The following PCBP4 variants were observed in gnomAD, a reference collection of about 807,000 sequenced individuals.
PCBP4 encodes the protein poly(rC)-binding protein 4.
A neutral mutation model predicts 46.2 loss-of-function variants in PCBP4; 24 were observed. The observed-to-expected ratio is 0.52, with a 90% confidence interval of 0.38 to 0.73. PCBP4 has a LOEUF of 0.73. PCBP4 is among the 30% of genes least tolerant of loss of function. The pLI is 0.00. For synonymous variants in PCBP4, 203 were observed against 224.4 expected (o/e 0.90, Z 0.85); for missense variants, 407 against 537.0 (o/e 0.76, Z 2.39).
chr3:51,965,549 CCA>C (rs1461528480), intron 1 of PCBP4, among the ~76,000 whole-genome samples: 1 of 152,202 alleles, frequency 6.6e-6, no homozygotes, highest in Non-Finnish European at 1.5e-5. Flanking sequence ...GCCTGTCTTT[CCA>C]CTATACACAG....
Position 51,960,122 on chromosome 3 carries a change from C to G in PCBP4, c.387+67G>C. On this transcript the variant is annotated intron_variant, in intron 7 of 13. Coordinates refer to ENST00000461554, the MANE Select transcript of PCBP4 (RefSeq NM_001174100.2). The surrounding 1 kb of genome is among the most constrained non-coding windows in gnomAD (Gnocchi z 5.0). The stretch of plus-strand genomic sequence containing the variant: ...TCTAGGTGGGGAGGACGCCATAAGC[C>G]CAACACCCCTCTTACAACTGCTCCC... The G allele has an allele frequency of 6.2e-7, 1 of 1,614,110 alleles. No individual in the cohort carries two copies. The highest frequency in any genetic ancestry group is 8.5e-7 in the Non-Finnish European group (1 of 1,179,958).
At chr3:51,964,123 G>A (rs1700304384) in intron 1 of PCBP4, among the ~76,000 whole-genome samples, 1 of 152,190 alleles carries the variant, frequency 6.6e-6, no homozygotes, top group South Asian at 2.1e-4. Context: ...ATTCCCTCCT[G>A]ACTCCCAGGC....
rs1303834478 is a variant in PCBP4, at chr3:51,965,301, T to C, written c.-213+2025A>G. Among the ~76,000 whole-genome samples, 3 of 152,146 alleles carry C rather than the reference T, an allele frequency of 2.0e-5. No homozygotes were observed. The South Asian group carries it at 6.2e-4, about 32-fold the overall frequency. ...TCTCTCTTGTCTCATCTCCACCCCA[T>C]CCTTCACACATGCCAGGCTGCAGAA... is the stretch of plus-strand genomic sequence containing the variant. On this transcript the variant is annotated intron_variant, in intron 1 of 13. Transcript: ENST00000461554.
At position 51,957,462 on chromosome 3, in the gene PCBP4, C is replaced by T. The variant is rs1224541632; in HGVS notation, c.*599G>A. The T allele has an allele frequency of 1.2e-5, 2 of 167,168 alleles. No individual in the cohort carries two copies. The highest frequency in any genetic ancestry group is 1.9e-4 in the East Asian group (1 of 5,206). The allele number at this position is 167,168 out of a possible 1,614,324, so 10.4% of individuals were successfully genotyped here. A position where few individuals can be genotyped will look rare whatever the true frequency, so the allele number is the denominator to read the frequency against. On this transcript the variant is annotated 3_prime_UTR_variant, in exon 14 of 14. Transcript: ENST00000461554. ...CACCAGTATTTCACAACTTCCTGGTCGCTGAGAATATTTATTCAAAAACAG... is the reference window on the plus strand; with the variant it reads ...CACCAGTATTTCACAACTTCCTGGTTGCTGAGAATATTTATTCAAAAACAG...
chr3:51,961,549 A>G, intron 2 of PCBP4: 1 of 492,556 alleles, frequency 2.0e-6, no homozygotes, highest in South Asian at 3.1e-5. Flanking sequence ...ACAAATTCCC[A>G]TCTCCAAAGA....
chr3:51,957,979 TG>T lies in PCBP4; in HGVS notation c.*81del. ...GTTAGCGGCGTTTGGGACCCCAGGGTGGAGTCTCCTTGGGCGGGTAGGGTGC... is the reference window on the plus strand; with the variant it reads ...GTTAGCGGCGTTTGGGACCCCAGGGTGAGTCTCCTTGGGCGGGTAGGGTGC... On this transcript the variant is annotated 3_prime_UTR_variant, in exon 14 of 14. Coordinates refer to ENST00000461554, the MANE Select transcript of PCBP4 (RefSeq NM_001174100.2). The T allele has an allele frequency of 7.6e-7, 1 of 1,314,484 alleles. No individual in the cohort carries two copies. Among genetic ancestry groups the T allele is most frequent in the Non-Finnish European group, 1.0e-6 (1 of 966,258 alleles). 81.4% of individuals were successfully genotyped at this position (1,314,484 alleles called of 1,614,324 possible).
Position 51,957,954 on chromosome 3 carries a change from G to A in PCBP4, c.*107C>T, listed in dbSNP as rs58564074. 110 of 1,051,486 alleles carry A rather than the reference G, an allele frequency of 1.0e-4. No individual in the cohort carries two copies. In the African/African-American group the frequency reaches 1.2e-3, roughly 12 times the overall value. 65.1% of individuals were successfully genotyped at this position (1,051,486 alleles called of 1,614,324 possible). ...AGGGGGTGCATCCATGCGTCTGGGC[G>A]TTAGCGGCGTTTGGGACCCCAGGGT... On this transcript the variant is annotated 3_prime_UTR_variant, in exon 14 of 14. Coordinates refer to ENST00000461554, the MANE Select transcript of PCBP4 (RefSeq NM_001174100.2).
chr3:51,958,874 T>C lies in PCBP4; in HGVS notation c.839A>G (p.Gln280Arg). 6.2e-7 allele frequency: 1 copy of C among 1,613,926 alleles called. No individual in the cohort carries two copies. Among genetic ancestry groups the C allele is most frequent in the Non-Finnish European group, 8.5e-7 (1 of 1,179,948 alleles). ...MSGAHIKIGN[Q>R]AEGAGERHVT... is the part of the protein sequence containing the mutation. ...ATGCCGCTCCCCAGCGCCCTCTGCT[T>C]GGTTCCCGATCTTGATATGTGCCCC... is the stretch of plus-strand genomic sequence containing the variant. Residue 280 changes from glutamine (Q) to arginine (R), a missense_variant, in exon 13 of 14, where the codon CAA (glutamine) becomes CGA (arginine). Physicochemically the swap from Gln to Arg is conservative, Grantham distance 43. Coordinates refer to ENST00000461554, the MANE Select transcript of PCBP4 (RefSeq NM_001174100.2). The surrounding 1 kb of genome is among the most constrained non-coding windows in gnomAD (Gnocchi z 5.4).
Position 51,960,008 on chromosome 3 carries a change from C to T in PCBP4, c.403G>A (p.Val135Ile). Residue 135 changes from valine (V) to isoleucine (I), a missense_variant, in exon 8 of 14, where the codon GTA becomes ATA. By Grantham distance (29) the Val-to-Ile change is conservative. Transcript: ENST00000461554. This position sits in a 1 kb window ranked among gnomAD's most constrained non-coding sequence, Gnocchi z 5.0. ...KEIRETTGAQ[V>I]QVAGDLLPNS... ...GGGAGCAGGTCCCCTGCCACCTGTA[C>T]CTGGGCACCCGTAGTCTGCAAACAG... 6.2e-7 allele frequency: 1 copy of T among 1,614,208 alleles called. No individual in the cohort carries two copies. The highest frequency in any genetic ancestry group is 1.1e-5 in the South Asian group (1 of 91,084).
intron 2 of PCBP4, chr3:51,961,521 C>A: frequency 1.7e-6 from 1 of 574,650 alleles, no homozygotes; most frequent in Non-Finnish European, 2.9e-6. Flanking sequence ...CTCAGCTTCT[C>A]CATCTGTAGA....
chr3:51,965,796 G>A (rs146076694), intron 1 of PCBP4, among the ~76,000 whole-genome samples: 7 of 152,186 alleles, frequency 4.6e-5, no homozygotes, highest in South Asian at 4.2e-4. Flanking sequence ...TACTCCTGCC[G>A]TTTTACCAGG....
chr3:51,961,046 C>CA lies in PCBP4; in HGVS notation c.82-14dup, dbSNP rs1468871601. ...TGCTGCCCACTTCCTGCGGACAAGA[C>CA]AAGAGCCGTCAGATGGGTGCCAGTG... On this transcript the variant is annotated splice_polypyrimidine_tract_variant and intron_variant, in intron 3 of 13. Coordinates refer to ENST00000461554, the MANE Select transcript of PCBP4 (RefSeq NM_001174100.2). 1.1e-5 allele frequency: 17 copies of CA among 1,614,104 alleles called. No individual in the cohort carries two copies. In the East Asian group the frequency reaches 3.8e-4, roughly 36 times the overall value.
In PCBP4 at chr3:51,961,008, A is replaced by C; in HGVS notation, c.105+2T>G. On this transcript the variant is annotated splice_donor_variant, in intron 4 of 13. Transcript: ENST00000461554. LOFTEE classifies it high-confidence loss of function. ...ATGTACAGAGCAGAGCTAGGCACCTACCTTCCCGATGATGCTGCCCACTTC... is the reference window on the plus strand; with the variant it reads ...ATGTACAGAGCAGAGCTAGGCACCTCCCTTCCCGATGATGCTGCCCACTTC... 6.2e-7 allele frequency: 1 copy of C among 1,614,146 alleles called. No individual in the cohort carries two copies. The highest frequency in any genetic ancestry group is 8.5e-7 in the Non-Finnish European group (1 of 1,180,004).
chr3:51,961,545 T>G, intron 2 of PCBP4: 2 of 492,722 alleles, frequency 4.1e-6, no homozygotes, highest in East Asian at 3.8e-5. Context: ...GGATACAAAT[T>G]CCCATCTCCA....
In PCBP4 at chr3:51,958,758, T is replaced by C; in HGVS notation, c.923+32A>G. 3 of 1,595,376 alleles carry C rather than the reference T, an allele frequency of 1.9e-6. No homozygotes were observed. The highest frequency in any genetic ancestry group is 2.6e-6 in the Non-Finnish European group (3 of 1,169,414). On this transcript the variant is annotated intron_variant, in intron 13 of 13. Transcript: ENST00000461554. The surrounding 1 kb of genome is among the most constrained non-coding windows in gnomAD (Gnocchi z 5.4). ...TCTTGGGCACATGAGAACCGTGACC[T>C]GCTCCCCCACTGCCGCCCAGCCCGC...
intron 3 of PCBP4, 48 bp downstream of exon 3, chr3:51,961,112 C>T (rs1237067019): frequency 4.3e-6 from 7 of 1,613,670 alleles, no homozygotes; most frequent in Non-Finnish European, 5.9e-6. Context: ...CCAGTGAAAC[C>T]CAGCCCAGCC....
chr3:51,965,447 G>C (rs323877), intron 1 of PCBP4, among the ~76,000 whole-genome samples: 122,995 of 152,218 alleles, frequency 0.81, 50,676 homozygotes, highest in East Asian at 0.99. Flanking sequence ...GAAGCCCTCC[G>C]CAGGCTTCCA....
chr3:51,961,274 C>T lies in PCBP4; in HGVS notation c.-34G>A, dbSNP rs750862973. On this transcript the variant is annotated 5_prime_UTR_variant, in exon 3 of 14. Transcript: ENST00000461554. Reference sequence around the variant, plus strand: ...GCGAGGCTGGGGCCACAGCGACCTGCGAGTGTGTCCGCGCTGCAACCTGGC... The same window carrying T: ...GCGAGGCTGGGGCCACAGCGACCTGTGAGTGTGTCCGCGCTGCAACCTGGC... 1.3e-5 allele frequency: 21 copies of T among 1,601,730 alleles called. No homozygotes were observed. Among genetic ancestry groups the T allele is most frequent in the East Asian group, 6.7e-5 (3 of 44,562 alleles).
chr3:51,963,954 G>C (rs1224373807), intron 1 of PCBP4, among the ~76,000 whole-genome samples: 1 of 152,222 alleles, frequency 6.6e-6, no homozygotes, highest in Non-Finnish European at 1.5e-5. Flanking sequence ...TGCTGCTCCA[G>C]CCGGGTGGGC....
Sources: gnomAD v4.1 joint callset for allele counts (sites outside exome capture counted in the v4.1 genomes callset) on GRCh38, gnomAD v4.1.1 for gene constraint, Gnocchi (gnomAD v3.1) non-coding constraint, MANE v1.5 for transcripts, NCBI Gene and HGNC (gene_info 2026-07-23, HGNC 2026-07-21) for gene names.